COP1: variants seen among roughly 807,000 people sequenced by gnomAD.
COP1 encodes COP1 E3 ubiquitin ligase.
In COP1, 24 loss-of-function variants were observed where a neutral mutation model predicts 101.3. The ratio of observed to expected loss-of-function variants is 0.24; its 90% CI spans 0.17 to 0.33. The LOEUF (loss-of-function observed/expected upper bound fraction) is 0.33. COP1 is among the 10% of genes least tolerant of loss of function. COP1 has a pLI of 1.00. For missense variants in COP1, 663 were observed against 906.2 expected, an observed-to-expected ratio of 0.73 and a Z score of 3.45; for synonymous variants, 347 against 341.9, an observed-to-expected ratio of 1.01 and a Z score of -0.17.
At chr1:176,056,831 T>C (rs1673583746) in intron 11 of COP1, among the ~76,000 whole-genome samples, 2 of 152,204 alleles carry the variant, frequency 1.3e-5, no homozygotes, top group African/African-American at 4.8e-5. Flanking sequence ...TAAATGGGAA[T>C]TGTAGTATTT....
chr1:176,011,430 T>A (rs1049577738), intron 15 of COP1, among the ~76,000 whole-genome samples: 24 of 152,280 alleles, frequency 1.6e-4, no homozygotes, highest in African/African-American at 5.3e-4. Context: ...GTAACCGAAA[T>A]AGAAGAATAA....
intron 11 of COP1, among the ~76,000 whole-genome samples, chr1:176,056,313 G>A (rs1028559994): frequency 6.6e-6 from 1 of 151,980 alleles, no homozygotes; most frequent in African/African-American, 2.4e-5. Flanking sequence ...GTTATTTAGG[G>A]CTTCTACAGT....
At chr1:175,954,139 G>T (rs968589116) in intron 18 of COP1, among the ~76,000 whole-genome samples, 5 of 152,100 alleles carry the variant, frequency 3.3e-5, no homozygotes, top group South Asian at 4.1e-4. Flanking sequence ...ATAACAAAAA[G>T]AAATCTGGAA....
At chr1:176,048,862 T>G (rs554462537) in intron 11 of COP1, among the ~76,000 whole-genome samples, 38 of 152,240 alleles carry the variant, frequency 2.5e-4, no homozygotes, top group African/African-American at 8.7e-4. Flanking sequence ...AACTGACACA[T>G]AAGTAAAAAT....
chr1:175,957,278 C>T (rs1000944513), intron 18 of COP1, among the ~76,000 whole-genome samples: 11 of 152,190 alleles, frequency 7.2e-5, no homozygotes, highest in African/African-American at 1.2e-4. Context: ...TTCTACTCCA[C>T]CAAGCTCCAT....
At chr1:176,176,631 G>C (rs1327171072) in intron 2 of COP1, among the ~76,000 whole-genome samples, 1 of 151,960 alleles carries the variant, frequency 6.6e-6, no homozygotes, top group Non-Finnish European at 1.5e-5. Flanking sequence ...CCAGCCTGGG[G>C]AACATAGCAA....
chr1:176,166,219 C>G (rs1695124245), intron 3 of COP1, among the ~76,000 whole-genome samples: 1 of 152,116 alleles, frequency 6.6e-6, no homozygotes, highest in Admixed American at 6.5e-5. Flanking sequence ...CTCCGCCTCC[C>G]AGGCTCAAGC....
intron 15 of COP1, among the ~76,000 whole-genome samples, chr1:176,021,989 A>T (rs901235665): frequency 1.3e-5 from 2 of 152,198 alleles, no homozygotes; most frequent in African/African-American, 4.8e-5. Flanking sequence ...TCTATCATAG[A>T]AAGATCTATA....
At chr1:175,967,699 T>TTA (rs1652337760) in intron 18 of COP1, among the ~76,000 whole-genome samples, 1 of 152,196 alleles carries the variant, frequency 6.6e-6, no homozygotes, top group Non-Finnish European at 1.5e-5. Context: ...TGAACTTTGG[T>TTA]TACAGCCTTA....
Position 176,195,248 on chromosome 1 carries a change from T to C in COP1, c.408-10556A>G, listed in dbSNP as rs1212284679. ...GTAGATTTCAGAACAAGGAATATTA[T>C]CAGGAATAAAGAGTGACATTTCAAA... On this transcript the variant is annotated intron_variant, in intron 1 of 19. Coordinates refer to ENST00000367669, the MANE Select transcript of COP1 (RefSeq NM_022457.7). Among the ~76,000 whole-genome samples, 5 of 152,202 alleles carry C rather than the reference T, an allele frequency of 3.3e-5. No individual in the cohort carries two copies. The East Asian group carries it at 9.6e-4, about 29-fold the overall frequency.
At chr1:176,142,011 A>G (rs903592874) in intron 6 of COP1, among the ~76,000 whole-genome samples, 1 of 152,146 alleles carries the variant, frequency 6.6e-6, no homozygotes, top group African/African-American at 2.4e-5. Flanking sequence ...AATTACAGGC[A>G]TGAGCCACTG....
intron 6 of COP1, among the ~76,000 whole-genome samples, chr1:176,140,464 T>A (rs1011412706): frequency 2.6e-5 from 4 of 152,086 alleles, no homozygotes; most frequent in African/African-American, 4.8e-5. Flanking sequence ...CATATTAAAT[T>A]TGAGGTGTTT....
intron 15 of COP1, chr1:176,017,576 G>A (rs1665887135): frequency 6.6e-6 from 1 of 152,168 alleles, no homozygotes; most frequent in Non-Finnish European, 1.5e-5. Context: ...CCAGGCTAAA[G>A]TGCAGTGGTG....
chr1:176,127,976 A>G (rs1370564333), intron 8 of COP1, among the ~76,000 whole-genome samples: 1 of 152,010 alleles, frequency 6.6e-6, no homozygotes, highest in African/African-American at 2.4e-5. Context: ...TTCTCTGATG[A>G]TTAGAGATGT....
At chr1:176,058,070 GC>G (rs1558020487) in intron 11 of COP1, among the ~76,000 whole-genome samples, 1 of 147,196 alleles carries the variant, frequency 6.8e-6, no homozygotes, top group Admixed American at 6.7e-5. Context: ...AGCCGCCCCG[GC>G]CGGGAGGGAG....
At chr1:176,135,604 T>C (rs1033887067) in intron 7 of COP1, among the ~76,000 whole-genome samples, 1 of 152,052 alleles carries the variant, frequency 6.6e-6, no homozygotes, top group African/African-American at 2.4e-5. Flanking sequence ...CAGCTTTGTT[T>C]AATAATGACT....
At chr1:176,043,348 A>C in intron 13 of COP1, 81 bp from the exon 14 acceptor site, 1 of 828,666 alleles carries the variant, frequency 1.2e-6, no homozygotes, top group Non-Finnish European at 2.0e-6. Context: ...AAAACCTGAT[A>C]TCAATTTATT....
chr1:176,182,265 G>A (rs1697889473), intron 2 of COP1, among the ~76,000 whole-genome samples: 2 of 152,230 alleles, frequency 1.3e-5, no homozygotes, highest in Non-Finnish European at 1.5e-5. Context: ...AGAGAATGAG[G>A]AAGAAGAGGA....
At chr1:175,967,258 C>T (rs963531446) in intron 18 of COP1, among the ~76,000 whole-genome samples, 34 of 152,186 alleles carry the variant, frequency 2.2e-4, no homozygotes, top group Non-Finnish European at 3.8e-4. Context: ...GTGATCCACC[C>T]GCCTCAGCCT....
Sources: allele counts gnomAD v4.1 joint callset (sites outside exome capture counted in the v4.1 genomes callset), GRCh38; gene constraint gnomAD v4.1.1; transcripts MANE v1.5; gene names NCBI Gene and HGNC (gene_info 2026-07-23, HGNC 2026-07-21).